The following SMYD3 variants were observed in gnomAD, a reference collection of about 807,000 sequenced individuals.
SMYD3 encodes the protein SET and MYND domain containing 3.
A neutral mutation model predicts 57.7 loss-of-function variants in SMYD3; 36 were observed. The ratio of observed to expected loss-of-function variants is 0.62; its 90% CI spans 0.48 to 0.82. The LOEUF (loss-of-function observed/expected upper bound fraction) is 0.82, where lower values mean the gene tolerates loss of function less well. SMYD3 is among the 40% of genes least tolerant of loss of function. The probability of loss-of-function intolerance (pLI) is 0.00; values close to 1 mark genes in which losing one functional copy is unlikely to be tolerated. For synonymous variants in SMYD3, 211 were observed against 195.0 expected, an observed-to-expected ratio of 1.08 and a Z score of -0.68; for missense variants, 515 against 538.8, an observed-to-expected ratio of 0.96 and a Z score of 0.44.
At chr1:245,806,903 C>A (rs143573274) in intron 10 of SMYD3, among the ~76,000 whole-genome samples, 86 of 107,958 alleles carry the variant, frequency 8.0e-4, no homozygotes, top group East Asian at 5.0e-3. Flanking sequence ...GGCGACAGAG[C>A]GAGACTCCGT....
intron 5 of SMYD3, among the ~76,000 whole-genome samples, chr1:246,188,245 T>C (rs1200453202): frequency 6.6e-6 from 1 of 152,056 alleles, no homozygotes; most frequent in African/African-American, 2.4e-5. Context: ...CAGCACGTCC[T>C]GGCCTAGAGC....
intron 5 of SMYD3, among the ~76,000 whole-genome samples, chr1:246,317,725 G>A (rs953491735): frequency 6.6e-6 from 1 of 151,948 alleles, no homozygotes; most frequent in Non-Finnish European, 1.5e-5. Flanking sequence ...AAATCATGTT[G>A]TACATGATAT....
At chr1:246,323,919 T>C (rs962063151) in intron 5 of SMYD3, among the ~76,000 whole-genome samples, 1 of 151,576 alleles carries the variant, frequency 6.6e-6, no homozygotes, top group Non-Finnish European at 1.5e-5. Context: ...CTGTGTGAAC[T>C]GTAAGTATTA....
chr1:246,119,227 G>A (rs2061387189), intron 5 of SMYD3, among the ~76,000 whole-genome samples: 1 of 151,700 alleles, frequency 6.6e-6, no homozygotes, highest in African/African-American at 2.4e-5. Context: ...CAAACTCCTG[G>A]CCTCAAGCTA....
At chr1:245,770,861 C>G (rs1411915313) in intron 10 of SMYD3, among the ~76,000 whole-genome samples, 1 of 152,108 alleles carries the variant, frequency 6.6e-6, no homozygotes, top group African/African-American at 2.4e-5. Flanking sequence ...AAGAACTTAA[C>G]AGTCTAACAT....
At chr1:246,236,966 G>C (rs751922471) in intron 5 of SMYD3, among the ~76,000 whole-genome samples, 2 of 152,088 alleles carry the variant, frequency 1.3e-5, no homozygotes, top group Non-Finnish European at 2.9e-5. Context: ...CACCTTGCTG[G>C]GCTGTGCTGG....
At chr1:245,854,796 T>C (rs922649625) in intron 10 of SMYD3, among the ~76,000 whole-genome samples, 3 of 152,064 alleles carry the variant, frequency 2.0e-5, no homozygotes, top group African/African-American at 7.2e-5. Context: ...CGTGAACAGT[T>C]CTGAAGGGAA....
At chr1:246,141,929 T>G (rs1290933225) in intron 5 of SMYD3, among the ~76,000 whole-genome samples, 1 of 152,244 alleles carries the variant, frequency 6.6e-6, no homozygotes, top group Non-Finnish European at 1.5e-5. Flanking sequence ...TTCATTCTCT[T>G]TTTCAAAGTT....
At chr1:246,090,938 C>T (rs1362470756) in intron 5 of SMYD3, among the ~76,000 whole-genome samples, 3 of 152,188 alleles carry the variant, frequency 2.0e-5, no homozygotes, top group African/African-American at 7.2e-5. Flanking sequence ...GTAGCCACTT[C>T]ATACTGGGAA....
At chr1:246,383,612 G>T (rs1158815663) in intron 1 of SMYD3, among the ~76,000 whole-genome samples, 1 of 152,184 alleles carries the variant, frequency 6.6e-6, no homozygotes, top group Admixed American at 6.5e-5. Context: ...GGCAGCAAGA[G>T]GTAATACATC....
chr1:246,349,723 C>T (rs1453852354), intron 2 of SMYD3, among the ~76,000 whole-genome samples: 1 of 152,000 alleles, frequency 6.6e-6, no homozygotes, highest in African/African-American at 2.4e-5. Flanking sequence ...TTGGATTCGT[C>T]GTAAATGTAT....
At chr1:246,005,458 A>G (rs1377855636) in intron 5 of SMYD3, among the ~76,000 whole-genome samples, 1 of 152,200 alleles carries the variant, frequency 6.6e-6, no homozygotes, top group Non-Finnish European at 1.5e-5. Context: ...TTCCCTGAAC[A>G]TTGGTTTGCT....
At chr1:245,995,896 G>A (rs992671632) in intron 5 of SMYD3, among the ~76,000 whole-genome samples, 9 of 152,324 alleles carry the variant, frequency 5.9e-5, no homozygotes, top group African/African-American at 1.7e-4. Flanking sequence ...TCCTGGGGAT[G>A]AGCCCAGAAC....
chr1:246,213,945 C>A (rs2063125898), intron 5 of SMYD3, among the ~76,000 whole-genome samples: 1 of 152,148 alleles, frequency 6.6e-6, no homozygotes, highest in Non-Finnish European at 1.5e-5. Context: ...AAGAGCTCTG[C>A]AGAGCTAGCT....
Position 245,817,301 on chromosome 1 carries a change from T to G in SMYD3, c.1076+41195A>C, listed in dbSNP as rs12032586. ...AGCAGGGGCACACTGACACCTCACA[T>G]GGCAGGGTATTCCAACAGCCCTGCA... On this transcript the variant is annotated intron_variant, in intron 10 of 11. Transcript: ENST00000490107. 6.8e-3 allele frequency among the ~76,000 whole-genome samples: 925 copies of G among 136,932 alleles called. 44 individuals carry two copies. Among genetic ancestry groups the G allele is most frequent in the African/African-American group, 0.017 (603 of 34,650 alleles). The allele number at this position is 136,932 out of a possible 152,430, so 89.8% of individuals were successfully genotyped here.
chr1:246,333,742 G>A (rs191778154), intron 3 of SMYD3, among the ~76,000 whole-genome samples: 2 of 151,946 alleles, frequency 1.3e-5, no homozygotes, highest in East Asian at 1.9e-4. Flanking sequence ...AAAAACTAGC[G>A]GGGCGTGGTG....
intron 5 of SMYD3, among the ~76,000 whole-genome samples, chr1:246,083,412 C>T (rs929848958): frequency 6.6e-6 from 1 of 151,408 alleles, no homozygotes; most frequent in African/African-American, 2.4e-5. Context: ...CCTGCAGACC[C>T]TCTCCCCACT....
chr1:246,146,486 C>T (rs1456606174), intron 5 of SMYD3, among the ~76,000 whole-genome samples: 4 of 152,184 alleles, frequency 2.6e-5, no homozygotes, highest in Admixed American at 6.5e-5. Flanking sequence ...CAAGTGCCAA[C>T]ACCCATCCTT....
intron 10 of SMYD3, among the ~76,000 whole-genome samples, chr1:245,773,859 C>T (rs112061037): frequency 6.4e-4 from 97 of 152,340 alleles, no homozygotes; most frequent in African/African-American, 2.1e-3. Flanking sequence ...AATGTACACA[C>T]TCAAGCCCTC....
Sources: allele counts gnomAD v4.1 joint callset (sites outside exome capture counted in the v4.1 genomes callset), GRCh38; gene constraint gnomAD v4.1.1; transcripts MANE v1.5; gene names NCBI Gene and HGNC (gene_info 2026-07-23, HGNC 2026-07-21).